Variants in ADAMTSL4 observed in about 807,000 individuals in gnomAD.
ADAMTSL4 encodes the protein ADAMTS-like protein 4.
Under a neutral mutation model 122.8 loss-of-function variants are expected in ADAMTSL4, and 97 were observed. The ratio of observed to expected loss-of-function variants is 0.79; its 90% CI spans 0.67 to 0.93. The LOEUF is 0.93. Ranked by LOEUF, ADAMTSL4 falls within the 40% of genes least tolerant of loss-of-function variation. The pLI, the probability that ADAMTSL4 is intolerant of heterozygous loss-of-function variation, is 0.00. For synonymous variants in ADAMTSL4, 592 were observed against 568.0 expected, an observed-to-expected ratio of 1.04 and a Z score of -0.60; for missense variants, 1,408 against 1,453.5, an observed-to-expected ratio of 0.97 and a Z score of 0.51.
rs1672089092 is a variant in ADAMTSL4 at position 150,556,164 on chromosome 1, C to T, written c.1374C>T (p.Ser458=). The T allele has an allele frequency of 1.9e-6, 3 of 1,614,024 alleles. No individual in the cohort carries two copies. Among genetic ancestry groups the T allele is most frequent in the African/African-American group, 1.3e-5 (1 of 75,052 alleles). ...PDICVAGRCL[S]PGCDGILGSG... ...CTGCCTCACCTCACTCTCTCCAGAG[C>T]CCCGGCTGTGATGGGATCCTTGGCT... The change falls in exon 9 of 19, where the codon AGC becomes AGT. Residue 458 remains serine, a splice_region_variant and synonymous_variant. Transcript: ENST00000271643. This position sits in a 1 kb window ranked among gnomAD's most constrained non-coding sequence, Gnocchi z 4.1.
rs202037366 is a variant in ADAMTSL4 at position 150,559,318 on chromosome 1, G to A, written c.2795G>A (p.Arg932His). The A allele has an allele frequency of 1.2e-4, 187 of 1,614,024 alleles. No homozygotes were observed. Among genetic ancestry groups the A allele is most frequent in the Middle Eastern group, 1.2e-3 (7 of 6,062 alleles). The change falls in exon 17 of 19, where the codon CGT (arginine) becomes CAT (histidine). Residue 932 changes from arginine (R) to histidine (H), a missense_variant. By Grantham distance (29) the Arg-to-His change is conservative. Coordinates refer to ENST00000271643, the MANE Select transcript of ADAMTSL4 (RefSeq NM_019032.6). This position sits in a 1 kb window ranked among gnomAD's most constrained non-coding sequence, Gnocchi z 4.1. ...CSSECGSGTQRRDIICVSKLG... is the reference protein window; with the variant it reads ...CSSECGSGTQHRDIICVSKLG... ...TCCGAATGTGGCTCTGGCACACAGC[G>A]TAGAGACATCATCTGTGTATCCAAA...
In ADAMTSL4 at chr1:150,555,661, A is replaced by G. The variant is rs587622331; in HGVS notation, c.1371+96A>G. ...CACATGTACACACATATGTATGAACACATGCACACATGCAAGCACATACAC... is the reference window on the plus strand; with the variant it reads ...CACATGTACACACATATGTATGAACGCATGCACACATGCAAGCACATACAC... On this transcript the variant is annotated intron_variant, in intron 8 of 18. Coordinates refer to ENST00000271643, the MANE Select transcript of ADAMTSL4 (RefSeq NM_019032.6). The G allele has an allele frequency of 1.6e-3, 2,441 of 1,534,538 alleles. 6 individuals are homozygous for G. Among genetic ancestry groups the G allele is most frequent in the Non-Finnish European group, 2.0e-3 (2,264 of 1,128,284 alleles).
rs1671687491 is a variant in ADAMTSL4 at position 150,553,733 on chromosome 1, C to T, written c.742C>T (p.Pro248Ser). ...TEVAPRTRPA[P>S]LRHHPRAQAS... is the part of the protein sequence containing the mutation. ...GGTGGCCCCCAGAACCAGGCCTGCC[C>T]CCCTACGGCATCACCCCAGAGCCCA... Residue 248 changes from proline to serine, a missense_variant, in exon 6 of 19, where the codon CCC becomes TCC. Transcript: ENST00000271643. 1 of 1,613,388 alleles carries T rather than the reference C, an allele frequency of 6.2e-7. No individual in the cohort carries two copies. Among genetic ancestry groups the T allele is most frequent in the South Asian group, 1.1e-5 (1 of 91,052 alleles).
At position 150,559,790 on chromosome 1, in the gene ADAMTSL4, G is replaced by A; in HGVS notation, c.2973G>A (p.Gln991=). The A allele has an allele frequency of 6.2e-7, 1 of 1,613,996 alleles. No individual in the cohort carries two copies. The highest frequency in any genetic ancestry group is 8.5e-7 in the Non-Finnish European group (1 of 1,180,002). Residue 991 remains glutamine (Q), a synonymous_variant, in exon 18 of 19, where the codon CAG becomes CAA. Transcript: ENST00000271643. The surrounding 1 kb of genome is among the most constrained non-coding windows in gnomAD (Gnocchi z 4.1). The stretch of plus-strand genomic sequence containing the variant: ...CTCGCTCCTGCCAAGGGGGAACGCA[G>A]ACACGGGAGGTCCAGTGCCTGAGCA... ...PCSRSCQGGT[Q]TREVQCLSTN... is the part of the protein sequence containing the mutation.
Position 150,549,768 on chromosome 1 carries a change from GA to G in ADAMTSL4, c.-158-50del. On this transcript the variant is annotated intron_variant, in intron 1 of 18. Coordinates refer to ENST00000271643, the MANE Select transcript of ADAMTSL4 (RefSeq NM_019032.6). This position sits in a 1 kb window ranked among gnomAD's most constrained non-coding sequence, Gnocchi z 5.0. ...CCTCCTAAGTCACATAGTAAAGTTG[GA>G]AAACAGACCCATGACCTCCCCGCGC... 1 of 153,710 alleles carries G rather than the reference GA, an allele frequency of 6.5e-6. No individual in the cohort carries two copies. Among genetic ancestry groups the G allele is most frequent in the Non-Finnish European group, 1.5e-5 (1 of 68,930 alleles). The allele number at this position is 153,710 out of a possible 1,614,324, so 9.5% of individuals were successfully genotyped here. A position where few individuals can be genotyped will look rare whatever the true frequency, so the allele number is the denominator to read the frequency against.
Position 150,552,713 on chromosome 1 carries a change from T to A in ADAMTSL4, c.78+113T>A. 7.2e-7 allele frequency: 1 copy of A among 1,395,250 alleles called. No homozygotes were observed. 86.4% of individuals were successfully genotyped at this position (1,395,250 alleles called of 1,614,324 possible). A position where few individuals can be genotyped will look rare whatever the true frequency, so the allele number is the denominator to read the frequency against. Reference sequence around the variant, plus strand: ...CTCCATTCCCCACAGCCCACCCACCTCCCCTGCCAACTCCCCAGTTCCTTG... The same window carrying A: ...CTCCATTCCCCACAGCCCACCCACCACCCCTGCCAACTCCCCAGTTCCTTG... On this transcript the variant is annotated intron_variant, in intron 4 of 18. Transcript: ENST00000271643. The surrounding 1 kb of genome is among the most constrained non-coding windows in gnomAD (Gnocchi z 4.0).
Position 150,554,741 on chromosome 1 carries a change from CAA to C in ADAMTSL4, c.1234+275_1234+276del. On this transcript the variant is annotated intron_variant, in intron 7 of 18. Transcript: ENST00000271643. The surrounding 1 kb of genome is among the most constrained non-coding windows in gnomAD (Gnocchi z 4.0). ...CACTGGGGGTCAGGTGGCTGTGACA[CAA>C]GAGGGCCATGGTGGGAGAGATCCTG... 7.7e-7 allele frequency: 1 copy of C among 1,299,858 alleles called. No individual in the cohort carries two copies. The highest frequency in any genetic ancestry group is 1.1e-6 in the Non-Finnish European group (1 of 949,524). 80.5% of individuals were successfully genotyped at this position (1,299,858 alleles called of 1,614,324 possible). A position where few individuals can be genotyped will look rare whatever the true frequency, so the allele number is the denominator to read the frequency against.
rs9659073 is a variant in ADAMTSL4, at chr1:150,554,878, G to A, written c.1234+411G>A. On this transcript the variant is annotated intron_variant, in intron 7 of 18. Transcript: ENST00000271643. The surrounding 1 kb of genome is among the most constrained non-coding windows in gnomAD (Gnocchi z 4.0). Reference sequence around the variant, plus strand: ...TTTAGGCCTGTGTTAACTTGACACCGGGATAAGCACTCAAGAGCTCTGAAC... The same window carrying A: ...TTTAGGCCTGTGTTAACTTGACACCAGGATAAGCACTCAAGAGCTCTGAAC... The A allele has an allele frequency of 0.46, 257,521 of 563,340 alleles. 59,914 individuals are homozygous for A. The highest frequency in any genetic ancestry group is 0.53 in the East Asian group (17,596 of 33,516). 34.9% of individuals were successfully genotyped at this position (563,340 alleles called of 1,614,324 possible). A position where few individuals can be genotyped will look rare whatever the true frequency, so the allele number is the denominator to read the frequency against.
At chr1:150,558,185 G>T (rs1255275759) in intron 14 of ADAMTSL4, 36 bp downstream of exon 14, 1 of 1,612,494 alleles carries the variant, frequency 6.2e-7, no homozygotes, top group Admixed American at 1.7e-5. Context: ...CTGGGGAGGG[G>T]AATGGGCACA....
At chr1:150,557,814 TCCAAACG>T (rs1433983738) in intron 13 of ADAMTSL4, 124 bp from the exon 14 acceptor site, 135 of 1,370,506 alleles carry the variant, frequency 9.9e-5, no homozygotes, top group Non-Finnish European at 1.3e-4. Flanking sequence ...GAACCCAGAC[TCCAAACG>T]CCAAACGTGC....
chr1:150,557,624 G>A lies in ADAMTSL4; in HGVS notation c.2177+1G>A, dbSNP rs1672308221. ...GCCACGGCACCCCATGCCCCCCATA[G>A]TGAGTATGGGGGAGCCCACGGGGAG... On this transcript the variant is annotated splice_donor_variant, in intron 13 of 18. Coordinates refer to ENST00000271643, the MANE Select transcript of ADAMTSL4 (RefSeq NM_019032.6). LOFTEE classifies it high-confidence loss of function. The A allele has an allele frequency of 6.3e-7, 1 of 1,599,856 alleles. No individual in the cohort carries two copies. Among genetic ancestry groups the A allele is most frequent in the Non-Finnish European group, 8.5e-7 (1 of 1,173,596 alleles).
Position 150,552,405 on chromosome 1 carries a change from C to T in ADAMTSL4, c.20+97C>T. 1 of 1,535,164 alleles carries T rather than the reference C, an allele frequency of 6.5e-7. No individual in the cohort carries two copies. Among genetic ancestry groups the T allele is most frequent in the Non-Finnish European group, 8.9e-7 (1 of 1,124,882 alleles). ...AGGGAAAGGGGACCACTGGGAGGGG[C>T]AGGGGAAGTGATGAGTAACTTCTGC... On this transcript the variant is annotated intron_variant, in intron 3 of 18. Transcript: ENST00000271643. This position sits in a 1 kb window ranked among gnomAD's most constrained non-coding sequence, Gnocchi z 4.0.
At position 150,553,627 on chromosome 1, in the gene ADAMTSL4, T is replaced by C; in HGVS notation, c.636T>C (p.Thr212=). 3 of 1,613,128 alleles carry C rather than the reference T, an allele frequency of 1.9e-6. No individual in the cohort carries two copies. The highest frequency in any genetic ancestry group is 2.5e-6 in the Non-Finnish European group (3 of 1,179,774). ...EPFSANGSPQ[T]ELPPTELSVH... is the part of the protein sequence containing the mutation. ...TCTCCGCAAACGGCAGCCCCCAAAC[T>C]GAGCTCCCTCCCACAGAACTGTCTG... The change falls in exon 6 of 19, where the codon ACT becomes ACC. Residue 212 remains threonine, a synonymous_variant. Transcript: ENST00000271643.
Position 150,554,473 on chromosome 1 carries a change from G to C in ADAMTSL4, c.1234+6G>C, listed in dbSNP as rs1242303221. On this transcript the variant is annotated splice_donor_region_variant and intron_variant, in intron 7 of 18. Coordinates refer to ENST00000271643, the MANE Select transcript of ADAMTSL4 (RefSeq NM_019032.6). This position sits in a 1 kb window ranked among gnomAD's most constrained non-coding sequence, Gnocchi z 4.0. ...GTGGGAGCCCTTCACTGAAGGTGAG[G>C]TTTCTTGCTCACCCCTGGGCAGTGG... 6.2e-6 allele frequency: 10 copies of C among 1,614,102 alleles called. No individual in the cohort carries two copies. Among genetic ancestry groups the C allele is most frequent in the Non-Finnish European group, 7.6e-6 (9 of 1,179,966 alleles).
chr1:150,550,276 G>A (rs1312461789), intron 2 of ADAMTSL4: 5 of 456,312 alleles, frequency 1.1e-5, no homozygotes, highest in Non-Finnish European at 2.2e-5. Context: ...CATGGAAAGG[G>A]GTGAGAAGCA....
In ADAMTSL4 at chr1:150,554,870, T is replaced by C. The variant is rs1671852716; in HGVS notation, c.1234+403T>C. 1 of 580,492 alleles carries C rather than the reference T, an allele frequency of 1.7e-6. No homozygotes were observed. Among genetic ancestry groups the C allele is most frequent in the Non-Finnish European group, 3.1e-6 (1 of 325,874 alleles). 36.0% of individuals were successfully genotyped at this position (580,492 alleles called of 1,614,324 possible). On this transcript the variant is annotated intron_variant, in intron 7 of 18. Coordinates refer to ENST00000271643, the MANE Select transcript of ADAMTSL4 (RefSeq NM_019032.6). The surrounding 1 kb of genome is among the most constrained non-coding windows in gnomAD (Gnocchi z 4.0). ...CGCTTCATTTTAGGCCTGTGTTAAC[T>C]TGACACCGGGATAAGCACTCAAGAG...
At chr1:150,550,865 G>C (rs1188399136) in intron 2 of ADAMTSL4, 1 of 456,586 alleles carries the variant, frequency 2.2e-6, no homozygotes, top group Non-Finnish European at 4.4e-6. Context: ...GTGGGGCTGA[G>C]TGTCTGCCCC....
At chr1:150,551,831 C>T (rs937579485) in intron 2 of ADAMTSL4, 5 of 163,546 alleles carry the variant, frequency 3.1e-5, no homozygotes, top group African/African-American at 1.2e-4. Context: ...TTTGAGGCTG[C>T]AATGAGCTTT....
In ADAMTSL4 at chr1:150,556,409, G is replaced by A. The variant is rs12119250; in HGVS notation, c.1576+43G>A. ...TCCCCTTCCACTTCCGTCTCTGTTC[G>A]GCCCTCCATACCCCTACTCAGAGCA... On this transcript the variant is annotated intron_variant, in intron 9 of 18. Coordinates refer to ENST00000271643, the MANE Select transcript of ADAMTSL4 (RefSeq NM_019032.6). This position sits in a 1 kb window ranked among gnomAD's most constrained non-coding sequence, Gnocchi z 4.1. The A allele has an allele frequency of 0.049, 78,935 of 1,609,944 alleles. 2,159 individuals are homozygous for A. Among genetic ancestry groups the A allele is most frequent in the Middle Eastern group, 0.059 (359 of 6,056 alleles).
Sources: gnomAD v4.1 joint callset for allele counts on GRCh38, gnomAD v4.1.1 for gene constraint, Gnocchi (gnomAD v3.1) non-coding constraint, MANE v1.5 for transcripts, NCBI Gene and HGNC (gene_info 2026-07-23, HGNC 2026-07-21) for gene names.